The following COL4A4 variants were observed in gnomAD, a reference collection of about 807,000 sequenced individuals.
The protein encoded by COL4A4 is collagen alpha-4(IV) chain.
Under a neutral mutation model 192.9 loss-of-function variants are expected in COL4A4, and 105 were observed. The ratio of observed to expected loss-of-function variants is 0.54; its 90% confidence interval spans 0.46 to 0.64. The LOEUF is 0.64. Ranked by LOEUF, COL4A4 falls within the 30% of genes least tolerant of loss-of-function variation. COL4A4 has a pLI of 0.00. For missense variants in COL4A4, 1,967 were observed against 2,169.3 expected (o/e 0.91, Z 1.85); for synonymous variants, 762 against 769.9 (o/e 0.99, Z 0.17).
At chr2:227,147,930 C>T (rs1025279459) in intron 1 of COL4A4, among the ~76,000 whole-genome samples, 2 of 151,376 alleles carry the variant, frequency 1.3e-5, no homozygotes, top group African/African-American at 4.8e-5. Context: ...TTCCCTTGAA[C>T]ATCCAAGTTA....
intron 1 of COL4A4, among the ~76,000 whole-genome samples, chr2:227,154,917 T>C (rs1386857793): frequency 6.6e-6 from 1 of 152,176 alleles, no homozygotes; most frequent in Non-Finnish European, 1.5e-5. Context: ...AAATCCCACC[T>C]TTTGGGGTTG....
intron 12 of COL4A4, 38 bp downstream of exon 12, chr2:227,108,543 G>T: frequency 6.3e-7 from 1 of 1,598,034 alleles, no homozygotes; most frequent in Non-Finnish European, 8.6e-7. Context: ...GCACACACAC[G>T]TCACCATCTG....
At chr2:227,077,812 C>T (rs2059113671) in intron 25 of COL4A4, 82 bp downstream of exon 25, 3 of 1,263,882 alleles carry the variant, frequency 2.4e-6, no homozygotes, top group Non-Finnish European at 3.4e-6. Context: ...CAGAATTCAC[C>T]ACTATATAAT....
chr2:226,984,968 T>C, the COL4A4 span, among the ~76,000 whole-genome samples: 2,086 of 148,878 alleles, frequency 0.014, 58 homozygotes, highest in African/African-American at 0.049. Flanking sequence ...AAGAGGAGGA[T>C]TGGGGGCAAG....
At chr2:227,147,631 G>A in intron 1 of COL4A4, 47 bp from the exon 2 acceptor site, 1 of 682,752 alleles carries the variant, frequency 1.5e-6, no homozygotes, top group East Asian at 2.7e-5. Flanking sequence ...GCATTATAAT[G>A]TTGAAAATAA....
chr2:227,105,851 T>C (rs1001887787), intron 12 of COL4A4, among the ~76,000 whole-genome samples: 1 of 152,158 alleles, frequency 6.6e-6, no homozygotes, highest in Non-Finnish European at 1.5e-5. Context: ...CTTACTTCCT[T>C]GAAACCTCAT....
chr2:227,109,288 T>C lies in COL4A4; in HGVS notation c.595-2A>G. ...CGGTCCTCCTGCACCCCAAGATCCC[T>C]AAACATGAGAAAAATCAGTGCATCT... is the stretch of plus-strand genomic sequence containing the variant. On this transcript the variant is annotated splice_acceptor_variant, in intron 9 of 47. Transcript: ENST00000396625. LOFTEE classifies it high-confidence loss of function. 2 of 1,613,620 alleles carry C rather than the reference T, an allele frequency of 1.2e-6. No homozygotes were observed. The highest frequency in any genetic ancestry group is 1.7e-6 in the Non-Finnish European group (2 of 1,179,504).
intron 16 of COL4A4, 82 bp downstream of exon 16, chr2:227,101,783 G>A (rs576518109): frequency 3.9e-5 from 47 of 1,193,318 alleles, no homozygotes; most frequent in South Asian, 1.1e-4. Context: ...GTGTTTGCAC[G>A]CAACAGTACA....
chr2:227,047,968 G>T (rs1973246502), intron 34 of COL4A4, among the ~76,000 whole-genome samples: 1 of 152,158 alleles, frequency 6.6e-6, no homozygotes, highest in African/African-American at 2.4e-5. Context: ...TTATAAGGCA[G>T]CTCAACTCAG....
In COL4A4 at chr2:227,088,825, A is replaced by G; in HGVS notation, c.1460-9T>C. The G allele has an allele frequency of 6.2e-7, 1 of 1,614,068 alleles. No homozygotes were observed. The highest frequency in any genetic ancestry group is 8.5e-7 in the Non-Finnish European group (1 of 1,180,002). ...ACAGAGTCCTTCATTTCCTAGACAG[A>G]GGATCAATGGCAGATTTGTCATATT... On this transcript the variant is annotated splice_polypyrimidine_tract_variant and intron_variant, in intron 21 of 47. Transcript: ENST00000396625.
chr2:227,076,369 G>A (rs1341226201), intron 25 of COL4A4, among the ~76,000 whole-genome samples: 3 of 152,108 alleles, frequency 2.0e-5, no homozygotes, highest in Non-Finnish European at 4.4e-5. Flanking sequence ...TGACAAACCT[G>A]ATAAAAACAA....
intron 2 of COL4A4, among the ~76,000 whole-genome samples, chr2:227,146,304 A>G (rs529453773): frequency 8.8e-4 from 134 of 152,160 alleles, no homozygotes; most frequent in African/African-American, 3.1e-3. Context: ...TTCTTTAAAA[A>G]AAAATCCACA....
chr2:227,027,640 T>A (rs201953096), intron 42 of COL4A4, among the ~76,000 whole-genome samples: 35 of 42,812 alleles, frequency 8.2e-4, no homozygotes, highest in Admixed American at 3.0e-3. Context: ...TAATAAAAAA[T>A]ATATATATAT....
chr2:226,982,520 C>T, the COL4A4 span, among the ~76,000 whole-genome samples: 4 of 152,194 alleles, frequency 2.6e-5, no homozygotes, highest in African/African-American at 9.7e-5. Flanking sequence ...TGTAATACAT[C>T]TCATATCTCA....
chr2:227,017,886 G>A (rs1386947227), intron 44 of COL4A4, among the ~76,000 whole-genome samples: 1 of 152,088 alleles, frequency 6.6e-6, no homozygotes, highest in Non-Finnish European at 1.5e-5. Flanking sequence ...TTGTACTGAT[G>A]ATTATTTCAT....
intron 44 of COL4A4, among the ~76,000 whole-genome samples, chr2:227,012,885 T>TGACTAGGTAC: frequency 6.6e-6 from 1 of 152,338 alleles, no homozygotes; most frequent in Admixed American, 6.5e-5. Flanking sequence ...AGCAGCCATA[T>TGACTAGGTAC]GACTAGGTAC....
intron 44 of COL4A4, among the ~76,000 whole-genome samples, chr2:227,020,880 C>CTTTTTTTTTTTTTTTTTTTTTTTTTT (rs57119611): frequency 7.8e-6 from 1 of 127,598 alleles, no homozygotes. Context: ...ACACTTTTTT[C>CTTTTTTTTTTTTTTTTTTTTTTTTTT]TTTTTTTTTT....
At chr2:227,140,892 C>CACAA (rs932399491) in intron 3 of COL4A4, among the ~76,000 whole-genome samples, 4 of 150,828 alleles carry the variant, frequency 2.7e-5, no homozygotes, top group African/African-American at 9.8e-5. Flanking sequence ...CACACACACA[C>CACAA]ACACACACAC....
intron 3 of COL4A4, among the ~76,000 whole-genome samples, chr2:227,141,644 G>A (rs2063216310): frequency 6.6e-6 from 1 of 152,074 alleles, no homozygotes; most frequent in African/African-American, 2.4e-5. Flanking sequence ...ATATTCTCAT[G>A]GATCATTAAA....
Sources: gnomAD v4.1 joint callset for allele counts (sites outside exome capture counted in the v4.1 genomes callset) on GRCh38, gnomAD v4.1.1 for gene constraint, MANE v1.5 for transcripts, NCBI Gene and HGNC (gene_info 2026-07-23, HGNC 2026-07-21) for gene names.